The following TSHZ3 variants were observed in gnomAD, a reference collection of about 807,000 sequenced individuals.
TSHZ3 encodes the protein teashirt homolog 3.
Under a neutral mutation model 64.5 loss-of-function variants are expected in TSHZ3, and 10 were observed. That is an observed-to-expected ratio of 0.16 (90% CI 0.10 to 0.26). The LOEUF (loss-of-function observed/expected upper bound fraction) is 0.26, where lower values mean the gene tolerates loss of function less well. Ranked by LOEUF, TSHZ3 falls within the 10% of genes least tolerant of loss-of-function variation. The pLI, the probability that TSHZ3 is intolerant of heterozygous loss-of-function variation, is 1.00. For missense variants in TSHZ3, 1,242 were observed against 1,421.7 expected (o/e 0.87, Z 2.03); for synonymous variants, 608 against 593.1 (o/e 1.03, Z -0.36).
At chr19:31,346,898 AC>A (rs1483680411) in intron 1 of TSHZ3, among the ~76,000 whole-genome samples, 1 of 149,356 alleles carries the variant, frequency 6.7e-6, no homozygotes, top group Non-Finnish European at 1.5e-5. Flanking sequence ...GTCCGCCTCC[AC>A]CCCCTCCTCC....
intron 5 of TSHZ3, among the ~76,000 whole-genome samples, chr19:31,162,869 C>T (rs778551123): frequency 3.3e-5 from 5 of 152,158 alleles, no homozygotes; most frequent in East Asian, 1.9e-4. Flanking sequence ...ACCTGGAAAG[C>T]GTGGGAAGTA....
intron 3 of TSHZ3, among the ~76,000 whole-genome samples, chr19:31,239,755 AAAC>A (rs1975665202): frequency 6.6e-6 from 1 of 151,844 alleles, no homozygotes; most frequent in Admixed American, 6.6e-5. Flanking sequence ...AATTAAAAAA[AAAC>A]AAATTGTGGA....
At chr19:31,346,531 A>G (rs1462893666) in intron 1 of TSHZ3, among the ~76,000 whole-genome samples, 1 of 152,112 alleles carries the variant, frequency 6.6e-6, no homozygotes, top group African/African-American at 2.4e-5. Flanking sequence ...TTCTTTTTTT[A>G]TGGCTGAGCG....
At chr19:31,184,276 G>C (rs1010565217) in intron 5 of TSHZ3, among the ~76,000 whole-genome samples, 3 of 152,124 alleles carry the variant, frequency 2.0e-5, no homozygotes, top group Non-Finnish European at 4.4e-5. Context: ...AAAATCCAAA[G>C]CACCAACTTT....
intron 1 of TSHZ3, among the ~76,000 whole-genome samples, chr19:31,286,921 T>A (rs77647007): frequency 1.6e-3 from 251 of 152,328 alleles, no homozygotes; most frequent in Non-Finnish European, 2.7e-3. Context: ...AGACACCAAT[T>A]CGTTAATATT....
intron 1 of TSHZ3, among the ~76,000 whole-genome samples, chr19:31,256,431 C>A (rs1975912278): frequency 6.6e-6 from 1 of 152,174 alleles, no homozygotes; most frequent in South Asian, 2.1e-4. Context: ...GCGAGACTCA[C>A]CTGTAAGCAG....
chr19:31,346,823 A>C (rs1048282667), intron 1 of TSHZ3, among the ~76,000 whole-genome samples: 2 of 151,682 alleles, frequency 1.3e-5, no homozygotes, highest in Non-Finnish European at 2.9e-5. Context: ...GTGCATACTT[A>C]TCACCAGCCT....
downstream of TSHZ3, among the ~76,000 whole-genome samples, chr19:31,270,757 G>A (rs1976124191): frequency 6.6e-6 from 1 of 152,148 alleles, no homozygotes; most frequent in Non-Finnish European, 1.5e-5. Flanking sequence ...TGTGGCTAGT[G>A]TCTACTATAT....
chr19:31,253,798 C>T (rs1975873549), intron 1 of TSHZ3, among the ~76,000 whole-genome samples: 1 of 152,194 alleles, frequency 6.6e-6, no homozygotes, highest in Non-Finnish European at 1.5e-5. Context: ...TGTCCCCCAC[C>T]CACCAGTTCA....
chr19:31,173,658 C>T (rs929756987), intron 5 of TSHZ3, among the ~76,000 whole-genome samples: 2 of 152,198 alleles, frequency 1.3e-5, no homozygotes, highest in Non-Finnish European at 2.9e-5. Context: ...GAGCTTTGAA[C>T]ATCTGGCTGT....
chr19:31,287,822 A>G (rs1410790008), intron 1 of TSHZ3, among the ~76,000 whole-genome samples: 1 of 152,168 alleles, frequency 6.6e-6, no homozygotes, highest in Non-Finnish European at 1.5e-5. Flanking sequence ...ACCAAGGTAA[A>G]AGAGGATGGA....
chr19:31,228,125 A>C (rs1975494034), exon 4 of TSHZ3, among the ~76,000 whole-genome samples: 1 of 152,152 alleles, frequency 6.6e-6, no homozygotes. Context: ...GCACAAGGCC[A>C]TGCTTCACTG....
exon 7 of TSHZ3, among the ~76,000 whole-genome samples, chr19:31,150,072 C>T (rs1974219235): frequency 1.3e-5 from 2 of 152,116 alleles, no homozygotes; most frequent in South Asian, 2.1e-4. Context: ...TCGCCGAGCA[C>T]GGTGGGAGGA....
At chr19:31,263,633 G>A (rs1976012987) in intron 1 of TSHZ3, among the ~76,000 whole-genome samples, 1 of 152,098 alleles carries the variant, frequency 6.6e-6, no homozygotes, top group Non-Finnish European at 1.5e-5. Context: ...GCCAAGAGAG[G>A]GGGGACAGTG....
intron 1 of TSHZ3, among the ~76,000 whole-genome samples, chr19:31,301,444 T>C (rs1478977376): frequency 6.6e-6 from 1 of 152,222 alleles, no homozygotes; most frequent in Non-Finnish European, 1.5e-5. Context: ...CTGCTGGGGC[T>C]GTGCACTCAA....
chr19:31,298,755 G>A (rs1976704083), intron 1 of TSHZ3, among the ~76,000 whole-genome samples: 2 of 152,056 alleles, frequency 1.3e-5, no homozygotes, highest in Admixed American at 1.3e-4. Context: ...AATAGGGGAT[G>A]AGGACACAGA....
intron 5 of TSHZ3, among the ~76,000 whole-genome samples, chr19:31,169,785 A>G (rs1215545619): frequency 2.0e-5 from 3 of 152,182 alleles, no homozygotes; most frequent in African/African-American, 7.2e-5. Flanking sequence ...AGCGATGTGC[A>G]AAGTTCCAAA....
At chr19:31,308,743 A>T (rs1916368818) in intron 1 of TSHZ3, 1 of 398,562 alleles carries the variant, frequency 2.5e-6, no homozygotes. Context: ...CACACCGTCT[A>T]AGACCCCTGC....
intron 5 of TSHZ3, among the ~76,000 whole-genome samples, chr19:31,164,436 C>T (rs1258117316): frequency 6.6e-6 from 1 of 152,126 alleles, no homozygotes; most frequent in Non-Finnish European, 1.5e-5. Context: ...AAATGTTAGA[C>T]ACTGTTCTAA....
Sources: gnomAD v4.1 joint callset for allele counts (sites outside exome capture counted in the v4.1 genomes callset) on GRCh38, gnomAD v4.1.1 for gene constraint, MANE v1.5 for transcripts, NCBI Gene and HGNC (gene_info 2026-07-23, HGNC 2026-07-21) for gene names.